MARK3: variants seen among roughly 807,000 people sequenced by gnomAD.
The protein encoded by MARK3 is MAP/microtubule affinity-regulating kinase 3.
Under a neutral mutation model 90.1 loss-of-function variants are expected in MARK3, and 46 were observed. That is an observed-to-expected ratio of 0.51 (90% confidence interval 0.40 to 0.65). MARK3 has a LOEUF of 0.65. Among genes scored for constraint, MARK3 ranks in the 30% least tolerant of loss-of-function variants. MARK3 has a pLI of 0.00. For synonymous variants in MARK3, 321 were observed against 332.6 expected, an observed-to-expected ratio of 0.97 and a Z score of 0.38; for missense variants, 818 against 947.2, an observed-to-expected ratio of 0.86 and a Z score of 1.79.
intron 7 of MARK3, among the ~76,000 whole-genome samples, chr14:103,463,689 T>C (rs138210124): frequency 2.0e-5 from 3 of 152,184 alleles, no homozygotes; most frequent in Non-Finnish European, 2.9e-5. Context: ...TACTTTCTTA[T>C]ATGTTCTTCT....
In MARK3 at chr14:103,385,967, G is replaced by T. The variant is rs1312785522; in HGVS notation, c.-63G>T. The T allele has an allele frequency of 7.2e-7, 1 of 1,387,222 alleles. No individual in the cohort carries two copies. The highest frequency in any genetic ancestry group is 1.0e-6 in the Non-Finnish European group (1 of 973,962). 85.9% of individuals were successfully genotyped at this position (1,387,222 alleles called of 1,614,324 possible). A position where few individuals can be genotyped will look rare whatever the true frequency, so the allele number is the denominator to read the frequency against. ...GTGGACTCGAGGACGCTGGTCGCCG[G>T]CCTCCTAGGGCTGTGCTGTTTTGTT... On this transcript the variant is annotated 5_prime_UTR_variant, in exon 1 of 18. Coordinates refer to ENST00000429436, the MANE Select transcript of MARK3 (RefSeq NM_001128918.3).
chr14:103,448,385 G>A (rs1479925717), intron 3 of MARK3, among the ~76,000 whole-genome samples: 1 of 152,020 alleles, frequency 6.6e-6, no homozygotes, highest in African/African-American at 2.4e-5. Flanking sequence ...GACTCATGAG[G>A]GTCACTAATG....
Position 103,454,152 on chromosome 14 carries a change from G to A in MARK3, c.412+2169G>A, listed in dbSNP as rs539237169. On this transcript the variant is annotated intron_variant, in intron 5 of 17. Transcript: ENST00000429436. ...AACATGTGCTGAGCTGAGCTTCACG[G>A]TGAGCATAGGAACCCCCTCTGAGGG... is the stretch of plus-strand genomic sequence containing the variant. Among the ~76,000 whole-genome samples, 8 of 152,282 alleles carry A rather than the reference G, an allele frequency of 5.3e-5. No individual in the cohort carries two copies. In the East Asian group the frequency reaches 1.5e-3, roughly 29 times the overall value.
intron 1 of MARK3, among the ~76,000 whole-genome samples, chr14:103,396,382 A>G (rs559311370): frequency 2.6e-5 from 4 of 152,210 alleles, no homozygotes; most frequent in East Asian, 1.9e-4. Flanking sequence ...TTCTGAAAGT[A>G]TATCTGTTAC....
chr14:103,496,499 G>A (rs2075348753), intron 15 of MARK3, among the ~76,000 whole-genome samples: 1 of 151,794 alleles, frequency 6.6e-6, no homozygotes, highest in African/African-American at 2.4e-5. Flanking sequence ...TGCAGTGTCT[G>A]CCTCCTGGGT....
chr14:103,472,833 C>T (rs886525180), intron 12 of MARK3, among the ~76,000 whole-genome samples: 2 of 151,626 alleles, frequency 1.3e-5, no homozygotes, highest in African/African-American at 2.4e-5. Context: ...GGTGAAACCC[C>T]GTCTCTACTA....
At chr14:103,412,764 G>A in intron 2 of MARK3, 1 of 510,118 alleles carries the variant, frequency 2.0e-6, no homozygotes, top group Non-Finnish European at 3.8e-6. Context: ...CTGCTTATGG[G>A]TTCTCATGCC....
rs781012309 is a variant in MARK3 at position 103,475,004 on chromosome 14, A to G, written c.1276A>G (p.Ile426Val). 16 of 1,612,350 alleles carry G rather than the reference A, an allele frequency of 9.9e-6. No homozygotes were observed. The highest frequency in any genetic ancestry group is 1.3e-5 in the Non-Finnish European group (15 of 1,178,382). ...RRYSDHAGPAIPSVVAYPKRS... is the reference protein window; with the variant it reads ...RRYSDHAGPAVPSVVAYPKRS... Reference sequence around the variant, plus strand: ...ACTCTTTATTTTAGCTGGACCAGCTATTCCTTCTGTTGTGGCGTATCCGAA... The same window carrying G: ...ACTCTTTATTTTAGCTGGACCAGCTGTTCCTTCTGTTGTGGCGTATCCGAA... The change falls in exon 13 of 18, where the codon ATT becomes GTT. Residue 426 changes from isoleucine to valine, a missense_variant. Coordinates refer to ENST00000429436, the MANE Select transcript of MARK3 (RefSeq NM_001128918.3).
At chr14:103,454,567 T>C (rs947520982) in intron 5 of MARK3, among the ~76,000 whole-genome samples, 2 of 152,148 alleles carry the variant, frequency 1.3e-5, no homozygotes, top group Non-Finnish European at 2.9e-5. Flanking sequence ...CAGTGTTTTG[T>C]TGAGTTTATT....
chr14:103,501,167 G>A (rs11622835), intron 17 of MARK3, among the ~76,000 whole-genome samples: 22,887 of 152,128 alleles, frequency 0.15, 2,184 homozygotes, highest in Middle Eastern at 0.24. Context: ...ATTTCACCTG[G>A]CCACGTCCCT....
At chr14:103,410,660 C>T (rs1245183357) in intron 2 of MARK3, among the ~76,000 whole-genome samples, 2 of 152,096 alleles carry the variant, frequency 1.3e-5, no homozygotes, top group Non-Finnish European at 2.9e-5. Context: ...TATGATTGTA[C>T]CGCTGTACTC....
chr14:103,455,379 A>G (rs1157074391), intron 5 of MARK3, among the ~76,000 whole-genome samples: 2 of 152,228 alleles, frequency 1.3e-5, no homozygotes, highest in Non-Finnish European at 2.9e-5. Flanking sequence ...ATAATTCATC[A>G]TAGTTAAGTG....
chr14:103,451,791 TAGAGGGCCAG>T, intron 4 of MARK3, 117 bp from the exon 5 acceptor site: 1 of 630,820 alleles, frequency 1.6e-6, no homozygotes, highest in Non-Finnish European at 2.8e-6. Context: ...AAGCATTTTT[TAGAGGGCCAG>T]CTATTAAAAT....
chr14:103,458,751 A>G, intron 6 of MARK3: 1 of 729,772 alleles, frequency 1.4e-6, no homozygotes, highest in Non-Finnish European at 2.5e-6. Context: ...ACAGACTATT[A>G]AAGTTCAAGT....
chr14:103,492,158 TG>T, intron 15 of MARK3, 124 bp downstream of exon 15: 1 of 1,060,544 alleles, frequency 9.4e-7, no homozygotes, highest in South Asian at 1.7e-5. Context: ...CATGGTTTTC[TG>T]GTTTTATATA....
At chr14:103,451,843 T>TA (rs1465159011) in intron 4 of MARK3, 75 bp from the exon 5 acceptor site, 3 of 992,830 alleles carry the variant, frequency 3.0e-6, no homozygotes, top group African/African-American at 1.7e-5. Context: ...TTTTCATAGT[T>TA]AGAGTTTATA....
At chr14:103,432,687 C>G (rs950617382) in intron 3 of MARK3, among the ~76,000 whole-genome samples, 1 of 148,278 alleles carries the variant, frequency 6.7e-6, no homozygotes, top group African/African-American at 2.5e-5. Flanking sequence ...CCGTCTCTAC[C>G]AAAAAAAAAA....
At chr14:103,433,067 T>C (rs1436427868) in intron 3 of MARK3, among the ~76,000 whole-genome samples, 2 of 129,602 alleles carry the variant, frequency 1.5e-5, no homozygotes, top group African/African-American at 5.2e-5. Flanking sequence ...CCAATTGAAG[T>C]TTTTTCTTTT....
chr14:103,412,284 A>G (rs897048837), intron 2 of MARK3: 13 of 661,318 alleles, frequency 2.0e-5, no homozygotes, highest in Non-Finnish European at 3.5e-5. Context: ...ACAGCCAAAC[A>G]TAACATGTTC....
Sources: gnomAD v4.1 joint callset for allele counts (sites outside exome capture counted in the v4.1 genomes callset) on GRCh38, gnomAD v4.1.1 for gene constraint, MANE v1.5 for transcripts, NCBI Gene and HGNC (gene_info 2026-07-23, HGNC 2026-07-21) for gene names.